The following FAM171A1 variants were observed in gnomAD, a reference collection of about 807,000 sequenced individuals.
FAM171A1 encodes the protein protein FAM171A1.
In FAM171A1, 23 loss-of-function variants were observed where a neutral mutation model predicts 74.9. That is an observed-to-expected ratio of 0.31 (90% CI 0.22 to 0.44). The LOEUF is 0.44. Among genes scored for constraint, FAM171A1 ranks in the 20% least tolerant of loss-of-function variants. FAM171A1 has a pLI of 1.00. For missense variants in FAM171A1, 1,162 were observed against 1,159.2 expected (o/e 1.00, Z -0.03); for synonymous variants, 527 against 505.7 (o/e 1.04, Z -0.57).
At chr10:15,234,611 G>C (rs1417901848) in intron 5 of FAM171A1, among the ~76,000 whole-genome samples, 2 of 151,952 alleles carry the variant, frequency 1.3e-5, no homozygotes, top group Non-Finnish European at 2.9e-5. Flanking sequence ...GTAGCCTAGC[G>C]ACCAGTCTGA....
At chr10:15,237,530 C>A (rs899517869) in intron 5 of FAM171A1, 1 of 152,182 alleles carries the variant, frequency 6.6e-6, no homozygotes, top group Non-Finnish European at 1.5e-5. Context: ...ACCAGTGCTA[C>A]CCGGCCTTCC....
At chr10:15,331,831 GTA>G (rs1361362099) in intron 1 of FAM171A1, among the ~76,000 whole-genome samples, 2 of 59,980 alleles carry the variant, frequency 3.3e-5, no homozygotes, top group African/African-American at 4.6e-5. Flanking sequence ...ATATATGTGT[GTA>G]TATATATGTG....
rs201613669 is a variant in FAM171A1 at position 15,245,062 on chromosome 10, C to CTTAT, written c.754+3573_754+3576dup. 6.4e-3 allele frequency among the ~76,000 whole-genome samples: 957 copies of CTTAT among 148,764 alleles called. 10 individuals carry two copies. Among genetic ancestry groups the CTTAT allele is most frequent in the African/African-American group, 0.022 (907 of 40,494 alleles). ...GCCAGTTGACTTTGCTTTTTTTTTT[C>CTTAT]TTATTTATTTATTTATTTTTTGAGA... is the stretch of plus-strand genomic sequence containing the variant. On this transcript the variant is annotated intron_variant, in intron 5 of 7. Transcript: ENST00000378116.
At chr10:15,270,013 G>A (rs985839663) in intron 3 of FAM171A1, among the ~76,000 whole-genome samples, 2 of 152,314 alleles carry the variant, frequency 1.3e-5, no homozygotes, top group Admixed American at 1.3e-4. Context: ...ATTTCCAACT[G>A]AGGTACCAGG....
chr10:15,321,699 A>C (rs1835488628), intron 1 of FAM171A1, among the ~76,000 whole-genome samples: 2 of 152,268 alleles, frequency 1.3e-5, no homozygotes, highest in South Asian at 4.1e-4. Flanking sequence ...TGAAAACAGA[A>C]AAGAAAGCTG....
chr10:15,299,989 A>C (rs201429696), intron 1 of FAM171A1, among the ~76,000 whole-genome samples: 2 of 110,746 alleles, frequency 1.8e-5, no homozygotes, highest in Non-Finnish European at 3.9e-5. Context: ...AACAAACAAA[A>C]AAGGGCAAAA....
rs550237066 is a variant in FAM171A1 at position 15,352,980 on chromosome 10, A to G, written c.97+17976T>C. On this transcript the variant is annotated intron_variant, in intron 1 of 7. Transcript: ENST00000378116. ...CCAGCAACATTTGGACAATCGGTAG[A>G]TGCAGGGCCTGGATAGCAAAGCCGC... 1.7e-4 allele frequency among the ~76,000 whole-genome samples: 26 copies of G among 152,338 alleles called. No homozygotes were observed. The East Asian group carries it at 4.4e-3, about 26-fold the overall frequency.
chr10:15,362,481 G>A (rs1836005740), intron 1 of FAM171A1, among the ~76,000 whole-genome samples: 1 of 152,228 alleles, frequency 6.6e-6, no homozygotes, highest in African/African-American at 2.4e-5. Flanking sequence ...TGAGGTGGGT[G>A]GGTCACCTGA....
At position 15,284,512 on chromosome 10, in the gene FAM171A1, T is replaced by G. The variant is rs190402836; in HGVS notation, c.98-407A>C. Among the ~76,000 whole-genome samples, 227 of 152,238 alleles carry G rather than the reference T, an allele frequency of 1.5e-3. 1 individual carries two copies. Among genetic ancestry groups the G allele is most frequent in the Non-Finnish European group, 2.3e-3 (155 of 68,008 alleles). ...ATGATGGCTCACTGCAGTCTCGATC[T>G]CCTGGGCTCAACTGATCCTCCCACC... On this transcript the variant is annotated intron_variant, in intron 1 of 7. Transcript: ENST00000378116.
At chr10:15,367,597 A>T (rs1255432724) in intron 1 of FAM171A1, among the ~76,000 whole-genome samples, 4 of 152,206 alleles carry the variant, frequency 2.6e-5, no homozygotes, top group African/African-American at 9.6e-5. Flanking sequence ...GATACCTTAC[A>T]TGGCTTCGTG....
Position 15,278,688 on chromosome 10 carries a change from T to C in FAM171A1, c.326-2741A>G, listed in dbSNP as rs186409326. 3.0e-3 allele frequency among the ~76,000 whole-genome samples: 457 copies of C among 152,276 alleles called. 4 individuals are homozygous for C. Among genetic ancestry groups the C allele is most frequent in the African/African-American group, 0.01 (435 of 41,562 alleles). On this transcript the variant is annotated intron_variant, in intron 2 of 7. Coordinates refer to ENST00000378116, the MANE Select transcript of FAM171A1 (RefSeq NM_001010924.2). ...ATTCCAAGATTCCAGTTCTATGGGA[T>C]GTGCAGAATAGGCAAATCTAGAGAG...
intron 5 of FAM171A1, among the ~76,000 whole-genome samples, chr10:15,223,327 G>A (rs1052471305): frequency 6.6e-6 from 1 of 152,226 alleles, no homozygotes; most frequent in Non-Finnish European, 1.5e-5. Flanking sequence ...CCTCCCCAAA[G>A]CTGGCCCACT....
intron 1 of FAM171A1, among the ~76,000 whole-genome samples, chr10:15,285,145 G>A (rs1203992047): frequency 6.6e-6 from 1 of 152,162 alleles, no homozygotes; most frequent in Non-Finnish European, 1.5e-5. Context: ...CAGTGAAGGA[G>A]AGGATGCGTG....
At chr10:15,229,479 C>T (rs1191388469) in intron 5 of FAM171A1, among the ~76,000 whole-genome samples, 2 of 148,648 alleles carry the variant, frequency 1.3e-5, no homozygotes, top group African/African-American at 5.0e-5. Context: ...TCACCATTGT[C>T]ACCCCATCAC....
chr10:15,277,065 A>T (rs1341826986), intron 2 of FAM171A1, among the ~76,000 whole-genome samples: 1 of 152,236 alleles, frequency 6.6e-6, no homozygotes, highest in Non-Finnish European at 1.5e-5. Context: ...TTTCTGGGTA[A>T]AACATGAATT....
intron 1 of FAM171A1, among the ~76,000 whole-genome samples, chr10:15,332,886 T>C (rs1835657424): frequency 6.7e-6 from 1 of 149,278 alleles, no homozygotes; most frequent in Non-Finnish European, 1.5e-5. Context: ...TTTATGATAA[T>C]GAAGAGTGAA....
Position 15,337,950 on chromosome 10 carries a change from TA to T in FAM171A1, c.97+33005del, listed in dbSNP as rs953077526. ...TGGGTGACAGAGCGAGACTCCATCT[TA>T]AAAAAAACAAAAAAAACCCTTTATC... On this transcript the variant is annotated intron_variant, in intron 1 of 7. Transcript: ENST00000378116. Among the ~76,000 whole-genome samples, 5 of 151,054 alleles carry T rather than the reference TA, an allele frequency of 3.3e-5. No homozygotes were observed. The South Asian group carries it at 1.0e-3, about 31-fold the overall frequency.
chr10:15,359,256 T>C (rs1291334891), intron 1 of FAM171A1, among the ~76,000 whole-genome samples: 1 of 152,198 alleles, frequency 6.6e-6, no homozygotes, highest in Non-Finnish European at 1.5e-5. Context: ...CACAGTTATC[T>C]AAACAAACTT....
intron 6 of FAM171A1, among the ~76,000 whole-genome samples, chr10:15,218,184 A>G (rs181588990): frequency 8.6e-4 from 130 of 151,996 alleles, no homozygotes; most frequent in African/African-American, 3.1e-3. Flanking sequence ...GGTTCGGATA[A>G]TTCTCCTGCC....
Sources: gnomAD v4.1 joint callset for allele counts (sites outside exome capture counted in the v4.1 genomes callset) on GRCh38, gnomAD v4.1.1 for gene constraint, MANE v1.5 for transcripts, NCBI Gene and HGNC (gene_info 2026-07-23, HGNC 2026-07-21) for gene names.